AGBL1: variants seen among roughly 807,000 people sequenced by gnomAD.
AGBL1 encodes AGBL carboxypeptidase 1, also known as cytosolic carboxypeptidase 4.
A neutral mutation model predicts 118.9 loss-of-function variants in AGBL1; 130 were observed. The ratio of observed to expected loss-of-function variants is 1.09; its 90% CI spans 0.95 to 1.26. AGBL1 has a LOEUF of 1.26. AGBL1 is among the 50% of genes most tolerant of loss of function. The pLI is 0.00. For synonymous variants in AGBL1, 555 were observed against 478.9 expected (o/e 1.16, Z -2.08); for missense variants, 1,584 against 1,298.1 (o/e 1.22, Z -3.38).
intron 22 of AGBL1, among the ~76,000 whole-genome samples, chr15:86,889,275 G>A (rs1206480968): frequency 1.4e-5 from 2 of 139,064 alleles, no homozygotes; most frequent in Non-Finnish European, 3.0e-5. Flanking sequence ...TAGAAAGTTT[G>A]ACCAAAAATT....
chr15:86,458,955 T>G (rs2082295907), intron 18 of AGBL1, among the ~76,000 whole-genome samples: 1 of 152,194 alleles, frequency 6.6e-6, no homozygotes, highest in Non-Finnish European at 1.5e-5. Context: ...CATGTCTCGT[T>G]AATTACTAAC....
intron 17 of AGBL1, among the ~76,000 whole-genome samples, chr15:86,364,960 T>C (rs368627677): frequency 0.1 from 1,728 of 16,738 alleles, 33 homozygotes; most frequent in Middle Eastern, 0.19. Context: ...ATGTCACACA[T>C]ATATATATAT....
At chr15:86,663,327 A>T (rs986538456) in intron 21 of AGBL1, among the ~76,000 whole-genome samples, 1 of 152,184 alleles carries the variant, frequency 6.6e-6, no homozygotes, top group African/African-American at 2.4e-5. Flanking sequence ...TCTCAAAATG[A>T]TGTATGTAAC....
At chr15:86,745,494 T>A (rs898080984) in intron 22 of AGBL1, among the ~76,000 whole-genome samples, 3 of 152,066 alleles carry the variant, frequency 2.0e-5, no homozygotes, top group African/African-American at 7.2e-5. Context: ...TGGGAACTAC[T>A]GCCCAGAGAG....
At chr15:86,239,904 C>T (rs1453352863) in intron 6 of AGBL1, among the ~76,000 whole-genome samples, 3 of 152,118 alleles carry the variant, frequency 2.0e-5, no homozygotes, top group Admixed American at 1.3e-4. Flanking sequence ...TTTATTAGCC[C>T]GATTTGTTCA....
intron 18 of AGBL1, among the ~76,000 whole-genome samples, chr15:86,477,733 G>C (rs1209008954): frequency 1.3e-5 from 2 of 152,160 alleles, no homozygotes; most frequent in African/African-American, 4.8e-5. Flanking sequence ...CTCATTTTAT[G>C]AGGCCAGCAT....
chr15:86,654,569 A>G (rs1008644336), intron 21 of AGBL1, among the ~76,000 whole-genome samples: 22 of 152,170 alleles, frequency 1.4e-4, no homozygotes, highest in Admixed American at 3.9e-4. Context: ...AAGGCTTTAC[A>G]GAGTACATTG....
intron 21 of AGBL1, among the ~76,000 whole-genome samples, chr15:86,670,629 A>AG (rs1314777834): frequency 9.3e-5 from 7 of 75,636 alleles, no homozygotes; most frequent in Non-Finnish European, 5.3e-5. Flanking sequence ...ACACACACAA[A>AG]CACGCTGTGT....
At chr15:86,738,108 G>C (rs149834039) in intron 22 of AGBL1, among the ~76,000 whole-genome samples, 54 of 151,876 alleles carry the variant, frequency 3.6e-4, no homozygotes, top group African/African-American at 1.3e-3. Flanking sequence ...AAAAATATGG[G>C]ATCTTTATAT....
chr15:86,141,433 C>T lies in AGBL1; in HGVS notation c.52-571C>T, dbSNP rs185502153. ...TTGGGAGGCCGAGGCAGGCAGATAA[C>T]GTGGTCAGGAGATTGAGACCATCCT... On this transcript the variant is annotated intron_variant, in intron 1 of 22. Coordinates refer to ENST00000614907, the MANE Select transcript of AGBL1 (RefSeq NM_001386094.1). 1.1e-3 allele frequency among the ~76,000 whole-genome samples: 165 copies of T among 152,208 alleles called. 2 individuals are homozygous for T. The highest frequency in any genetic ancestry group is 9.5e-3 in the South Asian group (46 of 4,820).
At chr15:86,178,444 A>G (rs2077511216) in intron 5 of AGBL1, among the ~76,000 whole-genome samples, 1 of 152,266 alleles carries the variant, frequency 6.6e-6, no homozygotes, top group Non-Finnish European at 1.5e-5. Flanking sequence ...ATAACAAGGA[A>G]ATACTACGAA....
At position 86,341,635 on chromosome 15, in the gene AGBL1, A is replaced by T. The variant is rs558422794; in HGVS notation, c.2374+46227A>T. 7.8e-4 allele frequency among the ~76,000 whole-genome samples: 119 copies of T among 152,254 alleles called. 2 individuals carry two copies. In the South Asian group the frequency reaches 0.023, roughly 29 times the overall value. On this transcript the variant is annotated intron_variant, in intron 17 of 22. Transcript: ENST00000614907. ...GCCAGATTGTAGAACTTATCATTTC[A>T]TGCCCTTTCCTCATGTGTATCATTC...
At chr15:86,840,405 C>A (rs1363375910) in intron 22 of AGBL1, among the ~76,000 whole-genome samples, 1 of 152,100 alleles carries the variant, frequency 6.6e-6, no homozygotes, top group Non-Finnish European at 1.5e-5. Flanking sequence ...AAAGATGCAA[C>A]CCAGGATGCT....
chr15:86,867,198 T>C (rs1184088887), intron 22 of AGBL1, among the ~76,000 whole-genome samples: 4 of 152,154 alleles, frequency 2.6e-5, no homozygotes, highest in African/African-American at 9.7e-5. Flanking sequence ...TCATAAATGG[T>C]AGGTACAATT....
At chr15:86,081,029 T>C (rs535679641) in intron 1 of AGBL1, among the ~76,000 whole-genome samples, 41 of 152,216 alleles carry the variant, frequency 2.7e-4, no homozygotes, top group African/African-American at 9.4e-4. Context: ...ATGTTCTTAA[T>C]TTTCCTCTGA....
At chr15:86,791,304 C>T (rs903470079) in intron 22 of AGBL1, among the ~76,000 whole-genome samples, 2 of 152,160 alleles carry the variant, frequency 1.3e-5, no homozygotes, top group Non-Finnish European at 2.9e-5. Context: ...AATCTCAGTA[C>T]TTCCATTTAT....
chr15:86,838,234 A>G (rs1416418921), intron 22 of AGBL1, among the ~76,000 whole-genome samples: 1 of 152,058 alleles, frequency 6.6e-6, no homozygotes, highest in Non-Finnish European at 1.5e-5. Context: ...TTTACATTCT[A>G]TTCCTGCTCT....
chr15:86,422,609 G>A (rs927488983), intron 18 of AGBL1, among the ~76,000 whole-genome samples: 7 of 152,028 alleles, frequency 4.6e-5, no homozygotes, highest in African/African-American at 1.7e-4. Context: ...AACGGAAGGA[G>A]ATAGAGACAT....
chr15:86,553,283 G>A (rs1268873855), intron 20 of AGBL1, among the ~76,000 whole-genome samples: 2 of 152,198 alleles, frequency 1.3e-5, no homozygotes, highest in Non-Finnish European at 2.9e-5. Flanking sequence ...TCAGAACTGT[G>A]TATACTATCA....
Sources: allele counts gnomAD v4.1 joint callset (sites outside exome capture counted in the v4.1 genomes callset), GRCh38; gene constraint gnomAD v4.1.1; transcripts MANE v1.5; gene names NCBI Gene and HGNC (gene_info 2026-07-23, HGNC 2026-07-21).